PTPRD: variants seen among roughly 807,000 people sequenced by gnomAD.
PTPRD encodes protein tyrosine phosphatase receptor type D.
PTPRD carries 34 observed loss-of-function variants against 214.5 expected under a neutral mutation model. That is an observed-to-expected ratio of 0.16 (90% CI 0.12 to 0.21). The LOEUF (loss-of-function observed/expected upper bound fraction) is 0.21. Among genes scored for constraint, PTPRD ranks in the 10% least tolerant of loss-of-function variants. The pLI is 1.00. For missense variants in PTPRD, 2,545 were observed against 2,398.7 expected (o/e 1.06, Z -1.27); for synonymous variants, 1,128 against 845.7 (o/e 1.33, Z -5.79).
chr9:9,444,131 G>T (rs945435071), intron 8 of PTPRD, among the ~76,000 whole-genome samples: 1 of 152,004 alleles, frequency 6.6e-6, no homozygotes, highest in Admixed American at 6.6e-5. Flanking sequence ...AGAAAGTTTT[G>T]CTGTTGATTT....
At chr9:9,568,392 C>A (rs985281661) in intron 8 of PTPRD, among the ~76,000 whole-genome samples, 3 of 151,784 alleles carry the variant, frequency 2.0e-5, no homozygotes, top group African/African-American at 7.3e-5. Context: ...AATATTCTGC[C>A]TTCTCATCTT....
chr9:8,484,605 G>T (rs925496437), intron 29 of PTPRD, among the ~76,000 whole-genome samples: 1 of 121,430 alleles, frequency 8.2e-6, no homozygotes, highest in African/African-American at 3.6e-5. Context: ...AATACACAAA[G>T]ATAGATATAT....
chr9:9,493,573 G>A (rs1416989897), intron 8 of PTPRD, among the ~76,000 whole-genome samples: 1 of 152,004 alleles, frequency 6.6e-6, no homozygotes, highest in Non-Finnish European at 1.5e-5. Context: ...CAGATCACAA[G>A]GTCAGGAGAT....
In PTPRD at chr9:9,758,331, G is replaced by A. The variant is rs79874784; in HGVS notation, c.-326+8479C>T. 0.037 allele frequency among the ~76,000 whole-genome samples: 5,565 copies of A among 151,920 alleles called. 544 individuals carry two copies. In the East Asian group the frequency reaches 0.38, roughly 10 times the overall value. ...TTAAGGCAGTTTTTATTTTATGAAA[G>A]CAACACAAACCCATGTACCTTCTCA... On this transcript the variant is annotated intron_variant, in intron 6 of 45. Coordinates refer to ENST00000381196, the MANE Select transcript of PTPRD (RefSeq NM_002839.4).
intron 5 of PTPRD, among the ~76,000 whole-genome samples, chr9:9,839,164 C>T (rs970572296): frequency 5.3e-5 from 8 of 152,168 alleles, no homozygotes; most frequent in African/African-American, 1.4e-4. Flanking sequence ...GTTTTGGTTA[C>T]TGTAGCCTTG....
At chr9:9,711,729 C>G (rs148639075) in intron 7 of PTPRD, among the ~76,000 whole-genome samples, 1 of 152,268 alleles carries the variant, frequency 6.6e-6, no homozygotes, top group Non-Finnish European at 1.5e-5. Context: ...ACTAGAGACA[C>G]TGCTAAGCGT....
chr9:9,038,027 T>G (rs2099627463), intron 10 of PTPRD, among the ~76,000 whole-genome samples: 1 of 152,202 alleles, frequency 6.6e-6, no homozygotes, highest in Non-Finnish European at 1.5e-5. Context: ...GTGAAATTAA[T>G]AAAATAAATA....
At chr9:8,420,703 G>T (rs1369904276) in intron 35 of PTPRD, among the ~76,000 whole-genome samples, 4 of 151,924 alleles carry the variant, frequency 2.6e-5, no homozygotes, top group African/African-American at 9.7e-5. Context: ...GAAGCTGGTA[G>T]TCTTTATGAA....
At chr9:8,883,676 C>T (rs2098464401) in intron 11 of PTPRD, among the ~76,000 whole-genome samples, 1 of 152,114 alleles carries the variant, frequency 6.6e-6, no homozygotes, top group African/African-American at 2.4e-5. Context: ...CTCTTTCTCC[C>T]CTGTGCTTCT....
At chr9:9,134,806 C>CGTGTGT (rs142357379) in intron 10 of PTPRD, among the ~76,000 whole-genome samples, 2 of 150,572 alleles carry the variant, frequency 1.3e-5, no homozygotes, top group Admixed American at 6.6e-5. Context: ...ATTTGGAGTG[C>CGTGTGT]GTGTGTGTGT....
In PTPRD at chr9:8,638,330, G is replaced by T. The variant is rs374928419; in HGVS notation, c.65-1486C>A. Reference sequence around the variant, plus strand: ...ATTGATTTCATGTTTCCCACATGGTGTTCCCATTAACTTGATGGTGTGTTC... The same window carrying T: ...ATTGATTTCATGTTTCCCACATGGTTTTCCCATTAACTTGATGGTGTGTTC... On this transcript the variant is annotated intron_variant, in intron 12 of 45. Transcript: ENST00000381196. Among the ~76,000 whole-genome samples the T allele has an allele frequency of 3.8e-4, 58 of 152,106 alleles. 1 individual carries two copies. In the South Asian group the frequency reaches 9.3e-3, roughly 25 times the overall value.
intron 8 of PTPRD, among the ~76,000 whole-genome samples, chr9:9,492,012 A>G (rs967761571): frequency 1.3e-5 from 2 of 151,952 alleles, no homozygotes; most frequent in East Asian, 3.9e-4. Flanking sequence ...AGACTAAGAA[A>G]AAGAGAGAGT....
chr9:9,317,415 C>T (rs1207130493), intron 9 of PTPRD, among the ~76,000 whole-genome samples: 1 of 152,030 alleles, frequency 6.6e-6, no homozygotes, highest in African/African-American at 2.4e-5. Context: ...TTTGCTTTTC[C>T]TTCTCAATTT....
At chr9:9,247,761 G>A (rs2099973734) in intron 9 of PTPRD, among the ~76,000 whole-genome samples, 1 of 152,110 alleles carries the variant, frequency 6.6e-6, no homozygotes, top group East Asian at 1.9e-4. Flanking sequence ...TAAAAATATA[G>A]ATGTAAGAGA....
chr9:10,229,179 G>C (rs1195151796), intron 3 of PTPRD, among the ~76,000 whole-genome samples: 5 of 151,944 alleles, frequency 3.3e-5, no homozygotes, highest in African/African-American at 9.7e-5. Flanking sequence ...TTAGAATGGC[G>C]ATCATTAAAA....
chr9:9,372,961 C>T (rs889537805), intron 9 of PTPRD, among the ~76,000 whole-genome samples: 6 of 151,974 alleles, frequency 3.9e-5, no homozygotes, highest in African/African-American at 1.4e-4. Flanking sequence ...TTTAATATTA[C>T]CCCACAAAAA....
chr9:9,072,044 C>T (rs755456734), intron 10 of PTPRD, among the ~76,000 whole-genome samples: 1 of 152,192 alleles, frequency 6.6e-6, no homozygotes, highest in Non-Finnish European at 1.5e-5. Flanking sequence ...TGATTGTTTC[C>T]TCAGGCAGTG....
chr9:8,540,341 G>A (rs553362248), intron 14 of PTPRD, among the ~76,000 whole-genome samples: 5 of 152,044 alleles, frequency 3.3e-5, no homozygotes, highest in Non-Finnish European at 5.9e-5. Context: ...CACTCCAACT[G>A]TTATTACCAA....
chr9:9,564,884 G>GTTTT lies in PTPRD; in HGVS notation c.-237+9844_-237+9847dup, dbSNP rs1191664969. On this transcript the variant is annotated intron_variant, in intron 8 of 45. Transcript: ENST00000381196. Reference sequence around the variant, plus strand: ...AACAAAAGAGAGACTTGAATCTTCTGTTTTTTTTTTTTTTTTTTTTTTTTT... The same window carrying GTTTT: ...AACAAAAGAGAGACTTGAATCTTCTGTTTTTTTTTTTTTTTTTTTTTTTTTTTTT... 6.8e-3 allele frequency among the ~76,000 whole-genome samples: 332 copies of GTTTT among 48,850 alleles called. 113 individuals carry two copies. Among genetic ancestry groups the GTTTT allele is most frequent in the Middle Eastern group, 0.048 (2 of 42 alleles). 32.0% of individuals were successfully genotyped at this position (48,850 alleles called of 152,430 possible). A position where few individuals can be genotyped will look rare whatever the true frequency, so the allele number is the denominator to read the frequency against.
Sources: gnomAD v4.1 joint callset for allele counts (sites outside exome capture counted in the v4.1 genomes callset) on GRCh38, gnomAD v4.1.1 for gene constraint, MANE v1.5 for transcripts, NCBI Gene and HGNC (gene_info 2026-07-23, HGNC 2026-07-21) for gene names.